Variants in TANC2 observed in about 807,000 individuals in gnomAD.
TANC2 encodes the protein protein TANC2.
In TANC2, 26 loss-of-function variants were observed where a neutral mutation model predicts 210.5. The ratio of observed to expected loss-of-function variants is 0.12; its 90% CI spans 0.09 to 0.17. The LOEUF (loss-of-function observed/expected upper bound fraction) is 0.17, where lower values mean the gene tolerates loss of function less well. TANC2 is among the 10% of genes least tolerant of loss of function. The pLI, the probability that TANC2 is intolerant of heterozygous loss-of-function variation, is 1.00. For missense variants in TANC2, 2,129 were observed against 2,608.9 expected (o/e 0.82, Z 4.01); for synonymous variants, 931 against 967.1 (o/e 0.96, Z 0.69).
chr17:63,025,150 C>G (rs1404310763), intron 2 of TANC2, among the ~76,000 whole-genome samples: 1 of 152,116 alleles, frequency 6.6e-6, no homozygotes, highest in African/African-American at 2.4e-5. Flanking sequence ...TAGTATTTCT[C>G]CATGGCTTTC....
intron 9 of TANC2, among the ~76,000 whole-genome samples, chr17:63,278,889 CT>C (rs1479333125): frequency 6.6e-6 from 1 of 152,046 alleles, no homozygotes; most frequent in East Asian, 1.9e-4. Context: ...CATGAGGCAT[CT>C]AAAGTAACCA....
At chr17:63,380,786 A>G (rs1457316417) in intron 15 of TANC2, among the ~76,000 whole-genome samples, 2 of 152,234 alleles carry the variant, frequency 1.3e-5, no homozygotes, top group African/African-American at 2.4e-5. Flanking sequence ...ATTCTTCCCA[A>G]TATATAAGCA....
intron 5 of TANC2, chr17:63,153,588 G>A (rs1466492093): frequency 1.3e-5 from 2 of 152,088 alleles, no homozygotes; most frequent in African/African-American, 4.8e-5. Context: ...CAAAATCTCA[G>A]ATCATACTGA....
chr17:63,385,484 C>G (rs2047749162), intron 15 of TANC2, among the ~76,000 whole-genome samples: 1 of 152,206 alleles, frequency 6.6e-6, no homozygotes, highest in Admixed American at 6.5e-5. Context: ...AGATCTGGAA[C>G]TATTCTATTT....
chr17:63,138,201 G>A (rs767944122), intron 4 of TANC2, among the ~76,000 whole-genome samples: 57 of 152,112 alleles, frequency 3.7e-4, no homozygotes, highest in Non-Finnish European at 7.5e-4. Context: ...AAAGAACTCT[G>A]GGGCTGTAAG....
intron 19 of TANC2, among the ~76,000 whole-genome samples, chr17:63,401,904 A>G (rs945578527): frequency 2.6e-5 from 4 of 152,068 alleles, no homozygotes; most frequent in Non-Finnish European, 5.9e-5. Context: ...CCTCATCATC[A>G]TTTGCCTAGA....
intron 1 of TANC2, among the ~76,000 whole-genome samples, chr17:62,979,793 C>A (rs2032208634): frequency 6.6e-6 from 1 of 152,124 alleles, no homozygotes; most frequent in Non-Finnish European, 1.5e-5. Flanking sequence ...TGCCTGTGGT[C>A]CCAGCTACAT....
chr17:63,358,766 A>C (rs1381814126), intron 14 of TANC2, among the ~76,000 whole-genome samples: 1 of 152,210 alleles, frequency 6.6e-6, no homozygotes, highest in Non-Finnish European at 1.5e-5. Flanking sequence ...GCAACCTTTT[A>C]GTGACTCTCA....
chr17:63,131,545 T>TC (rs1254946069), intron 4 of TANC2, among the ~76,000 whole-genome samples: 1 of 148,612 alleles, frequency 6.7e-6, no homozygotes, highest in East Asian at 1.9e-4. Flanking sequence ...TTTTTTTTTT[T>TC]CTACATTACA....
At chr17:63,219,156 A>G (rs1311869897) in intron 7 of TANC2, among the ~76,000 whole-genome samples, 1 of 152,224 alleles carries the variant, frequency 6.6e-6, no homozygotes, top group African/African-American at 2.4e-5. Flanking sequence ...ACAGTACTCC[A>G]TACTGTTAAG....
intron 1 of TANC2, among the ~76,000 whole-genome samples, chr17:62,970,572 A>C (rs1178191050): frequency 6.6e-6 from 1 of 152,174 alleles, no homozygotes; most frequent in Non-Finnish European, 1.5e-5. Flanking sequence ...AGGAGACCCT[A>C]GAAAGGAGTA....
chr17:63,307,959 G>GT (rs1205746888), intron 9 of TANC2, among the ~76,000 whole-genome samples: 1 of 152,126 alleles, frequency 6.6e-6, no homozygotes, highest in Admixed American at 6.5e-5. Flanking sequence ...TAGAGACGGG[G>GT]TTTCACCATG....
At chr17:63,131,134 C>G (rs1447843940) in intron 4 of TANC2, among the ~76,000 whole-genome samples, 5 of 152,104 alleles carry the variant, frequency 3.3e-5, no homozygotes, top group Admixed American at 3.3e-4. Context: ...AAGAAAATAG[C>G]TCTAAGCAAA....
chr17:63,268,525 A>C (rs1018305468), intron 9 of TANC2, among the ~76,000 whole-genome samples: 3 of 152,204 alleles, frequency 2.0e-5, no homozygotes, highest in African/African-American at 7.2e-5. Context: ...CCAAAGTCCA[A>C]AAAAATCTGA....
chr17:63,134,242 A>G (rs2039015063), intron 4 of TANC2, among the ~76,000 whole-genome samples: 1 of 152,142 alleles, frequency 6.6e-6, no homozygotes, highest in Non-Finnish European at 1.5e-5. Context: ...CCAACTTCTT[A>G]TAATTTTGTT....
chr17:63,193,403 T>C (rs1462143898), intron 5 of TANC2, among the ~76,000 whole-genome samples: 5 of 152,176 alleles, frequency 3.3e-5, no homozygotes, highest in Non-Finnish European at 5.9e-5. Flanking sequence ...ATTAGAGAAG[T>C]TGATATAAAT....
At chr17:63,110,047 A>T (rs1019424758) in intron 4 of TANC2, among the ~76,000 whole-genome samples, 12 of 151,738 alleles carry the variant, frequency 7.9e-5, no homozygotes, top group Admixed American at 5.2e-4. Flanking sequence ...TCTAGTAACC[A>T]TATGAAAATG....
intron 15 of TANC2, among the ~76,000 whole-genome samples, chr17:63,387,534 T>C (rs2047824233): frequency 1.3e-5 from 2 of 152,212 alleles, no homozygotes; most frequent in Non-Finnish European, 2.9e-5. Flanking sequence ...GGCAAGAACA[T>C]TCTATATTTC....
At position 63,318,855 on chromosome 17, in the gene TANC2, T is replaced by A. The variant is rs2045400483; in HGVS notation, c.1442-102T>A. The A allele has an allele frequency of 4.4e-5, 59 of 1,344,900 alleles. No individual in the cohort carries two copies. In the South Asian group the frequency reaches 6.0e-4, roughly 14 times the overall value. 83.3% of individuals were successfully genotyped at this position (1,344,900 alleles called of 1,614,324 possible). A position where few individuals can be genotyped will look rare whatever the true frequency, so the allele number is the denominator to read the frequency against. On this transcript the variant is annotated intron_variant, in intron 10 of 27. Transcript: ENST00000689528. ...TTTTTATTTCTCTTAAGTATATACT[T>A]AGGAGCAGAATTGTTAGATCATAGA...
Sources: gnomAD v4.1 joint callset for allele counts (sites outside exome capture counted in the v4.1 genomes callset) on GRCh38, gnomAD v4.1.1 for gene constraint, MANE v1.5 for transcripts, NCBI Gene and HGNC (gene_info 2026-07-23, HGNC 2026-07-21) for gene names.